Variants in RFX3 observed in about 807,000 individuals in gnomAD.
RFX3 encodes regulatory factor X3.
Under a neutral mutation model 98.6 loss-of-function variants are expected in RFX3, and 14 were observed. The ratio of observed to expected loss-of-function variants is 0.14; its 90% CI spans 0.09 to 0.22. The LOEUF is 0.22. Ranked by LOEUF, RFX3 falls within the 10% of genes least tolerant of loss-of-function variation. The probability of loss-of-function intolerance (pLI) is 1.00; values close to 1 mark genes in which losing one functional copy is unlikely to be tolerated. For missense variants in RFX3, 639 were observed against 926.9 expected (o/e 0.69, Z 4.03); for synonymous variants, 383 against 328.4 (o/e 1.17, Z -1.80).
chr9:3,497,690 T>G (rs1227584639), intron 1 of RFX3, among the ~76,000 whole-genome samples: 1 of 148,908 alleles, frequency 6.7e-6, no homozygotes, highest in Non-Finnish European at 1.5e-5. Flanking sequence ...GACAAACATC[T>G]CTACCTCAAG....
intron 2 of RFX3, among the ~76,000 whole-genome samples, chr9:3,385,432 C>A (rs947631298): frequency 9.2e-5 from 14 of 152,110 alleles, no homozygotes; most frequent in Non-Finnish European, 2.1e-4. Flanking sequence ...AACTCTTGGC[C>A]GGGTGCAGTG....
chr9:3,330,138 A>G, intron 4 of RFX3, 121 bp downstream of exon 4: 1 of 1,019,150 alleles, frequency 9.8e-7, no homozygotes, highest in Non-Finnish European at 1.4e-6. Context: ...CTCAATACTA[A>G]AACTATCCAA....
intron 4 of RFX3, among the ~76,000 whole-genome samples, chr9:3,329,560 AC>A (rs1325044702): frequency 6.6e-6 from 1 of 152,122 alleles, no homozygotes; most frequent in Non-Finnish European, 1.5e-5. Context: ...CATCTGAATC[AC>A]CTATAGTAAT....
At chr9:3,447,052 G>A (rs920956115) in intron 1 of RFX3, among the ~76,000 whole-genome samples, 1 of 152,080 alleles carries the variant, frequency 6.6e-6, no homozygotes, top group Non-Finnish European at 1.5e-5. Context: ...CTAGAGAAGT[G>A]TTCACATGTC....
intron 11 of RFX3, among the ~76,000 whole-genome samples, chr9:3,269,832 T>C (rs72699024): frequency 0.037 from 5,634 of 152,170 alleles, 155 homozygotes; most frequent in Admixed American, 0.061. Context: ...GCTTTTATAA[T>C]GGAATTCAAC....
chr9:3,486,407 A>C (rs532851871), intron 1 of RFX3, among the ~76,000 whole-genome samples: 2 of 152,192 alleles, frequency 1.3e-5, no homozygotes, highest in Non-Finnish European at 2.9e-5. Context: ...GTAAACAGAA[A>C]TACAAATAAA....
At chr9:3,466,964 T>A (rs1308848367) in intron 1 of RFX3, among the ~76,000 whole-genome samples, 1 of 149,176 alleles carries the variant, frequency 6.7e-6, no homozygotes, top group Non-Finnish European at 1.5e-5. Flanking sequence ...TAAAGCCCAA[T>A]AAGAGTTTAT....
At chr9:3,369,070 G>T (rs1461538141) in intron 2 of RFX3, among the ~76,000 whole-genome samples, 2 of 152,032 alleles carry the variant, frequency 1.3e-5, no homozygotes, top group East Asian at 3.9e-4. Flanking sequence ...GAGCTTCCAA[G>T]GAAAAAATCA....
intron 1 of RFX3, among the ~76,000 whole-genome samples, chr9:3,401,835 A>C (rs1437963967): frequency 6.6e-6 from 1 of 152,146 alleles, no homozygotes; most frequent in Non-Finnish European, 1.5e-5. Flanking sequence ...ATCTACAGCT[A>C]AATAGGCCAC....
In RFX3 at chr9:3,339,771, G is replaced by T. The variant is rs139724595; in HGVS notation, c.215+6896C>A. On this transcript the variant is annotated intron_variant, in intron 3 of 16. Transcript: ENST00000617270. ...TAAAAGAGGATACAAACAAATGGAAGAACATTCCATGCTCATGGGTAGGAA... is the reference window on the plus strand; with the variant it reads ...TAAAAGAGGATACAAACAAATGGAATAACATTCCATGCTCATGGGTAGGAA... 5.8e-4 allele frequency among the ~76,000 whole-genome samples: 88 copies of T among 152,170 alleles called. No individual in the cohort carries two copies. The East Asian group carries it at 0.016, about 27-fold the overall frequency.
chr9:3,309,375 G>A (rs903576030), intron 4 of RFX3, among the ~76,000 whole-genome samples: 6 of 152,144 alleles, frequency 3.9e-5, no homozygotes, highest in African/African-American at 1.4e-4. Context: ...CAGAGACAGT[G>A]CAATAAATCC....
intron 1 of RFX3, among the ~76,000 whole-genome samples, chr9:3,441,491 C>T (rs1034815641): frequency 2.0e-5 from 3 of 151,984 alleles, no homozygotes; most frequent in Non-Finnish European, 4.4e-5. Context: ...CTTTGAGAAA[C>T]GGATGATTCT....
At chr9:3,514,297 G>T (rs1817929127) in intron 1 of RFX3, among the ~76,000 whole-genome samples, 1 of 152,118 alleles carries the variant, frequency 6.6e-6, no homozygotes, top group African/African-American at 2.4e-5. Context: ...AGTATTGATT[G>T]TTCTACAACA....
At chr9:3,484,174 G>A (rs79315382) in intron 1 of RFX3, among the ~76,000 whole-genome samples, 3,932 of 152,200 alleles carry the variant, frequency 0.026, 122 homozygotes, top group African/African-American at 0.072. Context: ...ATAAATATAG[G>A]AAACCATTTT....
intron 2 of RFX3, among the ~76,000 whole-genome samples, chr9:3,367,195 C>T (rs562294332): frequency 6.6e-6 from 1 of 152,204 alleles, no homozygotes; most frequent in East Asian, 1.9e-4. Flanking sequence ...TCCTTAAAAG[C>T]GGAGTGCTTC....
intron 4 of RFX3, among the ~76,000 whole-genome samples, chr9:3,310,543 T>G (rs1055020121): frequency 6.6e-6 from 1 of 152,226 alleles, no homozygotes; most frequent in Non-Finnish European, 1.5e-5. Flanking sequence ...TTTCTAGAAC[T>G]GTTACAGTGA....
intron 1 of RFX3, among the ~76,000 whole-genome samples, chr9:3,445,148 T>C (rs1289377539): frequency 6.6e-6 from 1 of 152,192 alleles, no homozygotes; most frequent in East Asian, 1.9e-4. Context: ...AACTGAGTTA[T>C]CTTTCACGTA....
intron 2 of RFX3, among the ~76,000 whole-genome samples, chr9:3,352,667 G>A (rs967347450): frequency 6.6e-6 from 1 of 151,986 alleles, no homozygotes; most frequent in Non-Finnish European, 1.5e-5. Flanking sequence ...GAAACAAATA[G>A]AAAACTTGAC....
rs1819231975 is a variant in RFX3, at chr9:3,525,855, G to A, written c.-117C>T. 2 of 985,210 alleles carry A rather than the reference G, an allele frequency of 2.0e-6. No individual in the cohort carries two copies. The highest frequency in any genetic ancestry group is 2.4e-6 in the Non-Finnish European group (2 of 829,486). The allele number at this position is 985,210 out of a possible 1,614,324, so 61.0% of individuals were successfully genotyped here. A position where few individuals can be genotyped will look rare whatever the true frequency, so the allele number is the denominator to read the frequency against. ...GAGGAGAGGAGTAGTTGTTGTTGAT[G>A]GGTAACAGTCGCCAGGACTACGGTG... On this transcript the variant is annotated 5_prime_UTR_variant, in exon 1 of 17. Transcript: ENST00000617270.
Sources: gnomAD v4.1 joint callset for allele counts (sites outside exome capture counted in the v4.1 genomes callset) on GRCh38, gnomAD v4.1.1 for gene constraint, MANE v1.5 for transcripts, NCBI Gene and HGNC (gene_info 2026-07-23, HGNC 2026-07-21) for gene names.